The following AGBL4 variants were observed in gnomAD, a reference collection of about 807,000 sequenced individuals.
The protein encoded by AGBL4 is cytosolic carboxypeptidase 6.
AGBL4 carries 58 observed loss-of-function variants against 66.4 expected under a neutral mutation model. The ratio of observed to expected loss-of-function variants is 0.87; its 90% CI spans 0.71 to 1.09. AGBL4 has a LOEUF of 1.09. AGBL4 is among the 50% of genes least tolerant of loss of function. The probability of loss-of-function intolerance (pLI) is 0.00; values close to 1 mark genes in which losing one functional copy is unlikely to be tolerated. For missense variants in AGBL4, 579 were observed against 631.0 expected (o/e 0.92, Z 0.88); for synonymous variants, 234 against 222.9 (o/e 1.05, Z -0.44).
chr1:49,624,560 T>C (rs564741193), intron 3 of AGBL4, among the ~76,000 whole-genome samples: 1 of 152,274 alleles, frequency 6.6e-6, no homozygotes, highest in South Asian at 2.1e-4. Context: ...CTAGGTAAAA[T>C]ATCTTTAAAC....
chr1:49,392,782 G>A (rs1038167572), intron 3 of AGBL4, among the ~76,000 whole-genome samples: 1 of 151,744 alleles, frequency 6.6e-6, no homozygotes, highest in African/African-American at 2.4e-5. Flanking sequence ...TTACCAGCAT[G>A]TTAATACTGG....
At chr1:49,268,811 T>C (rs1294596911) in intron 3 of AGBL4, among the ~76,000 whole-genome samples, 1 of 152,216 alleles carries the variant, frequency 6.6e-6, no homozygotes, top group Non-Finnish European at 1.5e-5. Flanking sequence ...AATGGTAGTC[T>C]ATTTTCTTAT....
downstream of AGBL4, among the ~76,000 whole-genome samples, chr1:48,530,624 C>A (rs1159610560): frequency 6.6e-6 from 1 of 152,144 alleles, no homozygotes; most frequent in African/African-American, 2.4e-5. Context: ...GGCTTAGCAA[C>A]GAAGAAACTG....
intron 4 of AGBL4, among the ~76,000 whole-genome samples, chr1:49,172,159 A>G (rs976015695): frequency 6.6e-6 from 1 of 152,198 alleles, no homozygotes; most frequent in Non-Finnish European, 1.5e-5. Context: ...CTTATGATCT[A>G]ATAGAGGAGA....
At chr1:48,574,984 T>C (rs917769185) in intron 11 of AGBL4, among the ~76,000 whole-genome samples, 1 of 152,160 alleles carries the variant, frequency 6.6e-6, no homozygotes, top group African/African-American at 2.4e-5. Context: ...AATCCTAAGA[T>C]GACCATGTCC....
Position 48,937,102 on chromosome 1 carries a change from G to T in AGBL4, c.595-69872C>A, listed in dbSNP as rs144173656. 2.6e-5 allele frequency among the ~76,000 whole-genome samples: 4 copies of T among 152,338 alleles called. No individual in the cohort carries two copies. The East Asian group carries it at 7.7e-4, about 29-fold the overall frequency. On this transcript the variant is annotated intron_variant, in intron 5 of 13. Coordinates refer to ENST00000371839, the MANE Select transcript of AGBL4 (RefSeq NM_032785.4). Reference sequence around the variant, plus strand: ...AATGTGACTTTCCTGATATCTTGAAGTGAGGCTGGCAGACATAGTACTTGA... The same window carrying T: ...AATGTGACTTTCCTGATATCTTGAATTGAGGCTGGCAGACATAGTACTTGA...
At chr1:49,958,297 T>C (rs1656809192) in intron 1 of AGBL4, among the ~76,000 whole-genome samples, 1 of 152,090 alleles carries the variant, frequency 6.6e-6, no homozygotes, top group Non-Finnish European at 1.5e-5. Flanking sequence ...TGAATATTTT[T>C]TCCTTCATTT....
chr1:48,818,348 C>A (rs11205548), intron 6 of AGBL4: 44,197 of 697,912 alleles, frequency 0.063, 2,186 homozygotes, highest in East Asian at 0.17. Flanking sequence ...TAATTGGGAG[C>A]CATACATGAA....
intron 4 of AGBL4, among the ~76,000 whole-genome samples, chr1:49,118,178 T>C (rs988550654): frequency 6.6e-6 from 1 of 152,202 alleles, no homozygotes; most frequent in African/African-American, 2.4e-5. Context: ...ACAATTTGAC[T>C]TCCTCTTTTC....
At chr1:48,536,985 G>A (rs774828509) in intron 12 of AGBL4, among the ~76,000 whole-genome samples, 7 of 152,212 alleles carry the variant, frequency 4.6e-5, no homozygotes, top group East Asian at 1.9e-4. Context: ...TTCTGCCAGC[G>A]TGTGAGCAGA....
chr1:49,645,661 G>T (rs1458225107), intron 3 of AGBL4, among the ~76,000 whole-genome samples: 1 of 150,470 alleles, frequency 6.6e-6, no homozygotes, highest in Non-Finnish European at 1.5e-5. Flanking sequence ...TTTTAAAAAT[G>T]GTCTTACCAA....
chr1:49,161,583 T>C (rs994179103), intron 4 of AGBL4, among the ~76,000 whole-genome samples: 1 of 152,198 alleles, frequency 6.6e-6, no homozygotes, highest in African/African-American at 2.4e-5. Flanking sequence ...GTTTGGACGA[T>C]TAGCACCTCA....
At chr1:49,024,540 C>A (rs887560245) in intron 5 of AGBL4, among the ~76,000 whole-genome samples, 1 of 152,068 alleles carries the variant, frequency 6.6e-6, no homozygotes, top group South Asian at 2.1e-4. Flanking sequence ...AGTTACTTAA[C>A]CTTTCTGTGC....
chr1:49,728,661 G>A (rs1649205371), intron 2 of AGBL4, among the ~76,000 whole-genome samples: 1 of 152,164 alleles, frequency 6.6e-6, no homozygotes, highest in Non-Finnish European at 1.5e-5. Flanking sequence ...CATGTGGGGA[G>A]AGAAGAGGGA....
chr1:48,618,692 A>T (rs1420547497), intron 9 of AGBL4, among the ~76,000 whole-genome samples: 1 of 152,206 alleles, frequency 6.6e-6, no homozygotes, highest in Admixed American at 6.5e-5. Context: ...AACAGGAGAC[A>T]TCCTAAGGTC....
At chr1:48,649,360 A>G (rs565780818) in intron 8 of AGBL4, among the ~76,000 whole-genome samples, 6 of 152,374 alleles carry the variant, frequency 3.9e-5, no homozygotes, top group African/African-American at 9.6e-5. Context: ...AGGTGCAGTA[A>G]GTAAGACAGA....
rs564240093 is a variant in AGBL4 at position 49,244,977 on chromosome 1, C to T, written c.377+793G>A. On this transcript the variant is annotated intron_variant, in intron 4 of 13. Coordinates refer to ENST00000371839, the MANE Select transcript of AGBL4 (RefSeq NM_032785.4). Reference sequence around the variant, plus strand: ...ACAGGGTAACATAAATAACACAGGGCACTCCCTTACTCTTTATGGTCTTAA... The same window carrying T: ...ACAGGGTAACATAAATAACACAGGGTACTCCCTTACTCTTTATGGTCTTAA... Among the ~76,000 whole-genome samples, 4 of 151,722 alleles carry T rather than the reference C, an allele frequency of 2.6e-5. No homozygotes were observed. The East Asian group carries it at 7.7e-4, about 29-fold the overall frequency.
At chr1:49,696,106 C>T (rs910245261) in intron 3 of AGBL4, among the ~76,000 whole-genome samples, 2 of 152,106 alleles carry the variant, frequency 1.3e-5, no homozygotes, top group African/African-American at 4.8e-5. Context: ...TAGCAAAAGA[C>T]AACATAAAGT....
chr1:48,664,512 C>A (rs1288009242), intron 6 of AGBL4, among the ~76,000 whole-genome samples: 1 of 152,162 alleles, frequency 6.6e-6, no homozygotes, highest in Admixed American at 6.5e-5. Flanking sequence ...TCAAAAGGAT[C>A]AAACTGAACA....
Sources: allele counts gnomAD v4.1 joint callset (sites outside exome capture counted in the v4.1 genomes callset), GRCh38; gene constraint gnomAD v4.1.1; transcripts MANE v1.5; gene names NCBI Gene and HGNC (gene_info 2026-07-23, HGNC 2026-07-21).